LINGO2: variants seen among roughly 807,000 people sequenced by gnomAD.
LINGO2 encodes leucine rich repeat and Ig domain containing 2.
Under a neutral mutation model 30.6 loss-of-function variants are expected in LINGO2, and 14 were observed. The ratio of observed to expected loss-of-function variants is 0.46; its 90% CI spans 0.30 to 0.72. The LOEUF is 0.72. Among genes scored for constraint, LINGO2 ranks in the 30% least tolerant of loss-of-function variants. LINGO2 has a pLI of 0.07. For synonymous variants in LINGO2, 317 were observed against 288.5 expected, an observed-to-expected ratio of 1.10 and a Z score of -1.00; for missense variants, 729 against 751.7, an observed-to-expected ratio of 0.97 and a Z score of 0.35.
At chr9:28,454,259 T>C (rs1824756621) in intron 2 of LINGO2, among the ~76,000 whole-genome samples, 3 of 152,098 alleles carry the variant, frequency 2.0e-5, no homozygotes, top group Admixed American at 2.0e-4. Flanking sequence ...CCATTGCTTA[T>C]ATTTGTCTTC....
the LINGO2 span, among the ~76,000 whole-genome samples, chr9:29,079,641 C>T: frequency 6.6e-6 from 1 of 151,842 alleles, no homozygotes; most frequent in Admixed American, 6.6e-5. Flanking sequence ...TAAAGAAATC[C>T]TTGCCTTTAT....
At chr9:28,252,508 A>C (rs1001000832) in intron 4 of LINGO2, among the ~76,000 whole-genome samples, 2 of 152,076 alleles carry the variant, frequency 1.3e-5, no homozygotes, top group African/African-American at 4.8e-5. Flanking sequence ...TACAGGTAGG[A>C]ACCATGGTTG....
chr9:28,974,961 T>G, the LINGO2 span, among the ~76,000 whole-genome samples: 2 of 152,148 alleles, frequency 1.3e-5, no homozygotes, highest in East Asian at 3.9e-4. Flanking sequence ...TGCTTTGCTG[T>G]AAATGACTTG....
the LINGO2 span, among the ~76,000 whole-genome samples, chr9:29,022,621 T>C: frequency 6.6e-6 from 1 of 152,224 alleles, no homozygotes; most frequent in African/African-American, 2.4e-5. Flanking sequence ...ACTTAAATTT[T>C]CACATTTCAT....
chr9:28,936,295 G>C, the LINGO2 span, among the ~76,000 whole-genome samples: 1 of 152,138 alleles, frequency 6.6e-6, no homozygotes, highest in Non-Finnish European at 1.5e-5. Flanking sequence ...AAACTATTTT[G>C]AAAGGGTGTT....
At position 28,148,617 on chromosome 9, in the gene LINGO2, T is replaced by A; in HGVS notation, c.-86-136212A>T. 2.0e-6 allele frequency: 3 copies of A among 1,521,198 alleles called. No homozygotes were observed. The South Asian group carries it at 3.6e-5, about 18-fold the overall frequency. 94.2% of individuals were successfully genotyped at this position (1,521,198 alleles called of 1,614,324 possible). A position where few individuals can be genotyped will look rare whatever the true frequency, so the allele number is the denominator to read the frequency against. On this transcript the variant is annotated intron_variant, in intron 4 of 5. Transcript: ENST00000379992. This position sits in a 1 kb window ranked among gnomAD's most constrained non-coding sequence, Gnocchi z 5.1. ...AATCCCAGGCCCTTGGAGGGAAATG[T>A]CCACCTCAAGAGCTTGACAGAAAAC... is the stretch of plus-strand genomic sequence containing the variant.
intron 2 of LINGO2, among the ~76,000 whole-genome samples, chr9:28,455,175 G>C (rs1463266453): frequency 6.6e-6 from 1 of 151,870 alleles, no homozygotes; most frequent in Non-Finnish European, 1.5e-5. Context: ...TTGTAGGAGA[G>C]ACACAATGGG....
chr9:28,975,539 C>G, the LINGO2 span, among the ~76,000 whole-genome samples: 1 of 152,214 alleles, frequency 6.6e-6, no homozygotes, highest in Non-Finnish European at 1.5e-5. Context: ...CTGCTTCCTA[C>G]ATGCAAAAGT....
At chr9:27,991,670 G>C (rs1246763503) in intron 5 of LINGO2, among the ~76,000 whole-genome samples, 1 of 151,970 alleles carries the variant, frequency 6.6e-6, no homozygotes, top group East Asian at 1.9e-4. Flanking sequence ...CATAGGGACC[G>C]TATAACTTTA....
chr9:29,189,810 G>C, the LINGO2 span, among the ~76,000 whole-genome samples: 160 of 152,138 alleles, frequency 1.1e-3, no homozygotes, highest in African/African-American at 3.6e-3. Flanking sequence ...AGGAGCTGGA[G>C]ACCAGCCCGG....
At chr9:28,714,621 A>G in the LINGO2 span, among the ~76,000 whole-genome samples, 1 of 152,092 alleles carries the variant, frequency 6.6e-6, no homozygotes, top group Non-Finnish European at 1.5e-5. Context: ...AATGAGCAAG[A>G]TAAAATCCTT....
At chr9:29,084,015 T>C in the LINGO2 span, among the ~76,000 whole-genome samples, 1 of 152,086 alleles carries the variant, frequency 6.6e-6, no homozygotes, top group African/African-American at 2.4e-5. Flanking sequence ...TTCATTACTC[T>C]GGAAGAATTC....
chr9:29,055,473 C>T, the LINGO2 span, among the ~76,000 whole-genome samples: 1 of 152,132 alleles, frequency 6.6e-6, no homozygotes, highest in Non-Finnish European at 1.5e-5. Context: ...TTAGGTTATG[C>T]CAACATTTTG....
chr9:28,250,332 C>T (rs117383976), intron 4 of LINGO2, among the ~76,000 whole-genome samples: 3,442 of 152,246 alleles, frequency 0.023, 56 homozygotes, highest in Non-Finnish European at 0.032. Flanking sequence ...AAGAAACATA[C>T]GAAGTCTTTC....
chr9:28,918,302 AC>A, the LINGO2 span, among the ~76,000 whole-genome samples: 3 of 151,692 alleles, frequency 2.0e-5, no homozygotes, highest in Admixed American at 6.6e-5. Flanking sequence ...GGGGAAAACC[AC>A]CCCCCCAGGG....
the LINGO2 span, among the ~76,000 whole-genome samples, chr9:29,102,302 C>A: frequency 6.6e-6 from 1 of 152,044 alleles, no homozygotes; most frequent in East Asian, 1.9e-4. Flanking sequence ...AGTATGGTCT[C>A]GATCTCCTGA....
At chr9:28,376,572 G>A (rs1821140061) in intron 2 of LINGO2, among the ~76,000 whole-genome samples, 1 of 152,140 alleles carries the variant, frequency 6.6e-6, no homozygotes, top group Admixed American at 6.5e-5. Context: ...TCCACCCGAG[G>A]GAACTGCCTT....
rs370996892 is a variant in LINGO2 at position 28,667,844 on chromosome 9, C to G, written c.-365+2356G>C. Among the ~76,000 whole-genome samples the G allele has an allele frequency of 2.2e-4, 34 of 152,256 alleles. 1 individual carries two copies. In the East Asian group the frequency reaches 6.6e-3, roughly 29 times the overall value. On this transcript the variant is annotated intron_variant, in intron 1 of 5. Transcript: ENST00000379992. The stretch of plus-strand genomic sequence containing the variant: ...CCTTGGGTTTATAAATGTTCTTCTT[C>G]AACTGTGGACTGAGCTAACAGTTTT...
chr9:28,061,767 T>C (rs943277413), intron 4 of LINGO2, among the ~76,000 whole-genome samples: 3 of 152,128 alleles, frequency 2.0e-5, no homozygotes, highest in South Asian at 2.1e-4. Context: ...CAAAATAGCA[T>C]AGGAAAGTGA....
Sources: gnomAD v4.1 joint callset for allele counts (sites outside exome capture counted in the v4.1 genomes callset) on GRCh38, gnomAD v4.1.1 for gene constraint, Gnocchi (gnomAD v3.1) non-coding constraint, MANE v1.5 for transcripts, NCBI Gene and HGNC (gene_info 2026-07-23, HGNC 2026-07-21) for gene names.